Variants in COL4A6 observed in about 807,000 individuals in gnomAD.
COL4A6 encodes the protein collagen alpha-6(IV) chain.
Under a neutral mutation model 126.7 loss-of-function variants are expected in COL4A6, and 59 were observed. The ratio of observed to expected loss-of-function variants is 0.47; its 90% confidence interval spans 0.38 to 0.58. The LOEUF (loss-of-function observed/expected upper bound fraction) is 0.58. Among genes scored for constraint, COL4A6 ranks in the 20% least tolerant of loss-of-function variants. The pLI, the probability that COL4A6 is intolerant of heterozygous loss-of-function variation, is 0.00. For synonymous variants in COL4A6, 547 were observed against 496.6 expected, an observed-to-expected ratio of 1.10 and a Z score of -1.35; for missense variants, 1,285 against 1,337.3, an observed-to-expected ratio of 0.96 and a Z score of 0.61.
chrX:108,424,909 G>T (rs766587227), intron 2 of COL4A6, among the ~76,000 whole-genome samples: 86 of 110,080 alleles, frequency 7.8e-4, no homozygotes, highest in Non-Finnish European at 1.3e-3. Flanking sequence ...CCACTCTGGG[G>T]GCTGAGGCAG....
chrX:108,161,580 T>TCCCCCCCCC, intron 42 of COL4A6, 39 bp downstream of exon 42: 2 of 644,865 alleles, frequency 3.1e-6, no homozygotes, highest in Non-Finnish European at 4.6e-6. Context: ...CAGACCACCA[T>TCCCCCCCCC]CCCCGCCCCG....
intron 3 of COL4A6, among the ~76,000 whole-genome samples, chrX:108,283,844 T>A (rs1026447702): frequency 3.0e-4 from 33 of 110,804 alleles, no homozygotes; most frequent in African/African-American, 1.1e-3. Flanking sequence ...AAAAGAGGGC[T>A]TGGGAGGAAG....
chrX:108,375,390 A>ATT (rs759673250), intron 2 of COL4A6, among the ~76,000 whole-genome samples: 7 of 111,611 alleles, frequency 6.3e-5, no homozygotes, highest in Non-Finnish European at 1.3e-4. Flanking sequence ...ATCCTAAAAT[A>ATT]TTTTTTTCTG....
At chrX:108,282,442 A>G (rs1489723571) in intron 3 of COL4A6, among the ~76,000 whole-genome samples, 1 of 111,310 alleles carries the variant, frequency 9.0e-6, no homozygotes, top group African/African-American at 3.3e-5. Flanking sequence ...CAAAACCACA[A>G]TGAGATACCA....
Position 108,156,670 on chromosome X carries a change from T to C in COL4A6, c.*330A>G. 1 of 293,886 alleles carries C rather than the reference T, an allele frequency of 3.4e-6. No individual in the cohort carries two copies. 24.2% of individuals were successfully genotyped at this position (293,886 alleles called of 1,213,427 possible). A position where few individuals can be genotyped will look rare whatever the true frequency, so the allele number is the denominator to read the frequency against. On this transcript the variant is annotated 3_prime_UTR_variant, in exon 45 of 45. Coordinates refer to ENST00000334504, the MANE Select transcript of COL4A6 (RefSeq NM_033641.4). ...TTAGCGATTAGGAAGAGCTTTCCGA[T>C]CAAGACGGTAAGGAGAAAGCTAGCA...
At chrX:108,164,754 T>C (rs2034069517) in intron 39 of COL4A6, 56 bp from the exon 40 acceptor site, 6 of 1,183,293 alleles carry the variant, frequency 5.1e-6, no homozygotes, top group Non-Finnish European at 6.9e-6. Flanking sequence ...GTGGTAGGGG[T>C]GGAGGATAGG....
Position 108,414,657 on chromosome X carries a change from G to C in COL4A6, c.63+23285C>G, listed in dbSNP as rs897346872. On this transcript the variant is annotated intron_variant, in intron 2 of 44. Transcript: ENST00000334504. ...AAAAAGAAGAAGAAGCTGAGCATGG[G>C]GGTGCACACCTGTAGACCTAGCCAC... Among the ~76,000 whole-genome samples the C allele has an allele frequency of 3.7e-5, 4 of 108,416 alleles. No individual in the cohort carries two copies. The Admixed American group carries it at 4.0e-4, about 11-fold the overall frequency. The allele number at this position is 108,416 out of a possible 115,157, so 94.1% of individuals were successfully genotyped here.
intron 3 of COL4A6, among the ~76,000 whole-genome samples, chrX:108,246,661 T>C (rs746890144): frequency 2.7e-5 from 3 of 111,509 alleles, no homozygotes; most frequent in Non-Finnish European, 5.7e-5. Context: ...CAGGGTATCA[T>C]AATCGCAGCC....
At chrX:108,208,815 C>T (rs2035620383) in intron 8 of COL4A6, among the ~76,000 whole-genome samples, 1 of 111,076 alleles carries the variant, frequency 9.0e-6, no homozygotes, top group South Asian at 3.9e-4. Context: ...GTTCAAAGGG[C>T]CTCCAGAAAT....
At chrX:108,404,135 G>A (rs978964547) in intron 2 of COL4A6, among the ~76,000 whole-genome samples, 2 of 111,650 alleles carry the variant, frequency 1.8e-5, no homozygotes, top group African/African-American at 6.5e-5. Flanking sequence ...CCAATACTGT[G>A]AGAAATAAAT....
intron 5 of COL4A6, among the ~76,000 whole-genome samples, chrX:108,217,580 ACTAT>A (rs953665738): frequency 3.6e-5 from 4 of 111,260 alleles, no homozygotes; most frequent in African/African-American, 3.3e-5. Context: ...ATCACAAAAA[ACTAT>A]CTATCACTAA....
At chrX:108,232,991 G>A (rs566162217) in intron 3 of COL4A6, among the ~76,000 whole-genome samples, 2 of 112,043 alleles carry the variant, frequency 1.8e-5, no homozygotes, top group South Asian at 3.7e-4. Context: ...ATAAAAAAAG[G>A]AGCAGAATTT....
At chrX:108,201,260 T>A (rs2035383379) in intron 13 of COL4A6, among the ~76,000 whole-genome samples, 2 of 111,850 alleles carry the variant, frequency 1.8e-5, no homozygotes, top group South Asian at 7.6e-4. Flanking sequence ...GCAGGCCTAG[T>A]CATCTTTGAT....
intron 31 of COL4A6, among the ~76,000 whole-genome samples, chrX:108,173,522 A>G (rs1049283210): frequency 9.2e-6 from 1 of 108,732 alleles, no homozygotes; most frequent in Admixed American, 9.8e-5. Context: ...AGTTCTCTCC[A>G]TCAGATGGAC....
chrX:108,196,593 G>A lies in COL4A6; in HGVS notation c.835-14C>T, dbSNP rs2035224361. On this transcript the variant is annotated splice_polypyrimidine_tract_variant and intron_variant, in intron 13 of 44. Coordinates refer to ENST00000334504, the MANE Select transcript of COL4A6 (RefSeq NM_033641.4). ...AGTTCCAAGGCCCTAAATGAAAAAAGAAACCACAAGTTATAACGTTTGTTT... is the reference window on the plus strand; with the variant it reads ...AGTTCCAAGGCCCTAAATGAAAAAAAAAACCACAAGTTATAACGTTTGTTT... 8.6e-7 allele frequency: 1 copy of A among 1,162,709 alleles called. No homozygotes were observed. Among genetic ancestry groups the A allele is most frequent in the African/African-American group, 1.8e-5 (1 of 55,802 alleles).
intron 2 of COL4A6, among the ~76,000 whole-genome samples, chrX:108,407,715 T>A (rs905428470): frequency 8.9e-6 from 1 of 111,912 alleles, no homozygotes; most frequent in Admixed American, 9.5e-5. Context: ...TTTTACAATA[T>A]TGTAAGATTG....
At chrX:108,183,818 C>G in intron 23 of COL4A6, 5 of 831,571 alleles carry the variant, frequency 6.0e-6, no homozygotes, top group Non-Finnish European at 7.6e-6. Flanking sequence ...GACAGAAGTT[C>G]CTTGGGGCCC....
At chrX:108,287,269 G>A (rs2038031729) in intron 3 of COL4A6, among the ~76,000 whole-genome samples, 1 of 111,894 alleles carries the variant, frequency 8.9e-6, no homozygotes, top group Non-Finnish European at 1.9e-5. Context: ...GTCAGTTTTG[G>A]TTGGTTGACT....
rs752854816 is a variant in COL4A6 at position 108,290,585 on chromosome X, T to A, written c.144+20163A>T. 3.6e-5 allele frequency among the ~76,000 whole-genome samples: 4 copies of A among 111,307 alleles called. No homozygotes were observed. In the East Asian group the frequency reaches 1.2e-3, roughly 32 times the overall value. On this transcript the variant is annotated intron_variant, in intron 3 of 44. Transcript: ENST00000334504. ...TCTCAATTAGACTTTACCATAATTC[T>A]ATAAATTTGGAATTATTAATACTTC...
Sources: allele counts gnomAD v4.1 joint callset (sites outside exome capture counted in the v4.1 genomes callset), GRCh38; gene constraint gnomAD v4.1.1; transcripts MANE v1.5; gene names NCBI Gene and HGNC (gene_info 2026-07-23, HGNC 2026-07-21).